Variants in VAV2 observed in about 807,000 individuals in gnomAD.
VAV2 encodes the protein guanine nucleotide exchange factor VAV2.
VAV2 carries 67 observed loss-of-function variants against 132.5 expected under a neutral mutation model. The ratio of observed to expected loss-of-function variants is 0.51; its 90% confidence interval spans 0.42 to 0.62. The LOEUF (loss-of-function observed/expected upper bound fraction) is 0.62. Ranked by LOEUF, VAV2 falls within the 20% of genes least tolerant of loss-of-function variation. The pLI is 0.00. For missense variants in VAV2, 938 were observed against 1,153.6 expected, an observed-to-expected ratio of 0.81 and a Z score of 2.71; for synonymous variants, 492 against 443.5, an observed-to-expected ratio of 1.11 and a Z score of -1.37.
chr9:133,985,229 TG>T (rs1842820231), intron 1 of VAV2, among the ~76,000 whole-genome samples: 20 of 1,660 alleles, frequency 0.012, no homozygotes, highest in Admixed American at 0.095. Context: ...TGCCTTATTG[TG>T]TGTGTGTGTG....
At chr9:133,778,492 C>T (rs1179418884) in intron 22 of VAV2, among the ~76,000 whole-genome samples, 4 of 152,174 alleles carry the variant, frequency 2.6e-5, no homozygotes, top group Non-Finnish European at 4.4e-5. Context: ...GCAGGAGGGC[C>T]TCTCCTGGGA....
chr9:133,773,573 AAC>A (rs1833710715), intron 25 of VAV2, among the ~76,000 whole-genome samples: 1 of 152,148 alleles, frequency 6.6e-6, no homozygotes, highest in Admixed American at 6.5e-5. Flanking sequence ...CTTAGCTTAA[AAC>A]ACAAACATAT....
chr9:133,826,492 C>T lies in VAV2; in HGVS notation c.449+7780G>A, dbSNP rs139169384. Among the ~76,000 whole-genome samples, 214 of 152,318 alleles carry T rather than the reference C, an allele frequency of 1.4e-3. No individual in the cohort carries two copies. The highest frequency in any genetic ancestry group is 4.8e-3 in the African/African-American group (199 of 41,564). On this transcript the variant is annotated intron_variant, in intron 4 of 29. Coordinates refer to ENST00000371850, the MANE Select transcript of VAV2 (RefSeq NM_001134398.2). This position sits in a 1 kb window ranked among gnomAD's most constrained non-coding sequence, Gnocchi z 4.2. ...GATCACTCCCTCCTCATGCAGCCAC[C>T]GGAGTGGCGGGGTGCCTTCCCACAG...
chr9:133,795,418 G>A (rs1325728287), intron 12 of VAV2, among the ~76,000 whole-genome samples: 8 of 152,140 alleles, frequency 5.3e-5, no homozygotes, highest in East Asian at 1.9e-4. Flanking sequence ...GCTCAAGGGA[G>A]GTCTTGTTGG....
Position 133,834,354 on chromosome 9 carries a change from G to A in VAV2, c.381-14C>T. On this transcript the variant is annotated splice_polypyrimidine_tract_variant and intron_variant, in intron 3 of 29. Coordinates refer to ENST00000371850, the MANE Select transcript of VAV2 (RefSeq NM_001134398.2). The surrounding 1 kb of genome is among the most constrained non-coding windows in gnomAD (Gnocchi z 5.9). Reference sequence around the variant, plus strand: ...GAGGGAAAAGGCCTGCGGAAGAGAAGGCGAGAGGGAGGTGAGCAGGTCCCG... The same window carrying A: ...GAGGGAAAAGGCCTGCGGAAGAGAAAGCGAGAGGGAGGTGAGCAGGTCCCG... 3 of 1,610,400 alleles carry A rather than the reference G, an allele frequency of 1.9e-6. No individual in the cohort carries two copies. The highest frequency in any genetic ancestry group is 2.7e-5 in the African/African-American group (2 of 75,006).
chr9:133,811,511 C>T (rs1835356916), intron 5 of VAV2, among the ~76,000 whole-genome samples: 1 of 152,244 alleles, frequency 6.6e-6, no homozygotes, highest in Non-Finnish European at 1.5e-5. Flanking sequence ...TACCAGGTCC[C>T]TGTCTCCTCA....
At chr9:133,783,282 A>G (rs965470626) in intron 19 of VAV2, among the ~76,000 whole-genome samples, 3 of 151,980 alleles carry the variant, frequency 2.0e-5, no homozygotes, top group African/African-American at 7.3e-5. Context: ...ACCCATTAGG[A>G]GAGAGGGCTT....
At chr9:133,956,442 A>G (rs1018773176) in intron 1 of VAV2, among the ~76,000 whole-genome samples, 7 of 151,704 alleles carry the variant, frequency 4.6e-5, no homozygotes, top group African/African-American at 1.5e-4. Context: ...TACCTTTCTG[A>G]GTTGTTTCTT....
At chr9:133,853,579 G>A (rs1837270211) in intron 3 of VAV2, among the ~76,000 whole-genome samples, 1 of 152,100 alleles carries the variant, frequency 6.6e-6, no homozygotes, top group Non-Finnish European at 1.5e-5. Flanking sequence ...CGGCCAAGCG[G>A]AGTCTGCATC....
rs1281411220 is a variant in VAV2, at chr9:133,885,549, C to T, written c.322-24117G>A. ...GTGCACCGCCAGGAGCGTGCAATGC[C>T]ATTCAGATTTTACACAAGCAAGGTG... On this transcript the variant is annotated intron_variant, in intron 2 of 29. Transcript: ENST00000371850. The surrounding 1 kb of genome is among the most constrained non-coding windows in gnomAD (Gnocchi z 5.0). Among the ~76,000 whole-genome samples, 2 of 152,188 alleles carry T rather than the reference C, an allele frequency of 1.3e-5. No homozygotes were observed. Among genetic ancestry groups the T allele is most frequent in the Non-Finnish European group, 2.9e-5 (2 of 68,026 alleles).
intron 1 of VAV2, among the ~76,000 whole-genome samples, chr9:133,945,334 G>A (rs1443678413): frequency 1.3e-5 from 2 of 152,216 alleles, no homozygotes; most frequent in East Asian, 3.9e-4. Context: ...TTGGGCTTGA[G>A]GGGCAGGCCC....
At chr9:133,799,264 C>T (rs1834839322) in intron 9 of VAV2, among the ~76,000 whole-genome samples, 1 of 152,218 alleles carries the variant, frequency 6.6e-6, no homozygotes, top group African/African-American at 2.4e-5. Context: ...ACTTCCTACT[C>T]CCAACAAATG....
At chr9:133,872,838 G>T (rs1350135396) in intron 2 of VAV2, among the ~76,000 whole-genome samples, 1 of 152,076 alleles carries the variant, frequency 6.6e-6, no homozygotes, top group Non-Finnish European at 1.5e-5. Flanking sequence ...AAGCACACAA[G>T]GGGGTGGCTC....
intron 2 of VAV2, among the ~76,000 whole-genome samples, chr9:133,867,411 C>T (rs943578706): frequency 6.6e-6 from 1 of 152,218 alleles, no homozygotes; most frequent in Admixed American, 6.5e-5. Flanking sequence ...ATGGTGGGGC[C>T]GCCTGGGGCC....
chr9:133,851,648 C>T (rs993443205), intron 3 of VAV2, among the ~76,000 whole-genome samples: 5 of 151,178 alleles, frequency 3.3e-5, no homozygotes, highest in South Asian at 2.1e-4. Context: ...TAGGGCAGAG[C>T]GAAATGGACA....
chr9:133,822,354 C>T (rs1393038097), intron 4 of VAV2, among the ~76,000 whole-genome samples: 4 of 152,212 alleles, frequency 2.6e-5, no homozygotes, highest in Admixed American at 6.5e-5. Flanking sequence ...TCCTGACCTC[C>T]GTCCACACCT....
At chr9:133,895,754 C>T (rs190284198) in intron 2 of VAV2, among the ~76,000 whole-genome samples, 1 of 152,092 alleles carries the variant, frequency 6.6e-6, no homozygotes, top group African/African-American at 2.4e-5. Flanking sequence ...ACTGAAAACC[C>T]CTGCACTGCA....
chr9:133,869,486 T>C (rs1253661206), intron 2 of VAV2, among the ~76,000 whole-genome samples: 1 of 151,356 alleles, frequency 6.6e-6, no homozygotes, highest in Admixed American at 6.6e-5. Flanking sequence ...GGCATGCACC[T>C]GTGGTCCTGG....
chr9:133,900,332 C>T (rs896738200), intron 2 of VAV2, among the ~76,000 whole-genome samples: 3 of 152,160 alleles, frequency 2.0e-5, no homozygotes, highest in Admixed American at 1.3e-4. Context: ...CATGAAGGCC[C>T]TCCTGTCACT....
Sources: gnomAD v4.1 joint callset for allele counts (sites outside exome capture counted in the v4.1 genomes callset) on GRCh38, gnomAD v4.1.1 for gene constraint, Gnocchi (gnomAD v3.1) non-coding constraint, MANE v1.5 for transcripts, NCBI Gene and HGNC (gene_info 2026-07-23, HGNC 2026-07-21) for gene names.